Variants in UGT1A6 observed in about 807,000 individuals in gnomAD.
UGT1A6 encodes the protein UDP-glucuronosyltransferase 1A6.
A neutral mutation model predicts 44.4 loss-of-function variants in UGT1A6; 32 were observed. That is an observed-to-expected ratio of 0.72 (90% CI 0.54 to 0.97). The LOEUF is 0.97. UGT1A6 is among the 50% of genes least tolerant of loss of function. UGT1A6 has a pLI of 0.00. For synonymous variants in UGT1A6, 238 were observed against 248.5 expected (o/e 0.96, Z 0.40); for missense variants, 685 against 661.9 (o/e 1.03, Z -0.38).
chr2:233,740,736 C>T (rs1691460143), intron 1 of UGT1A6: 1 of 151,674 alleles, frequency 6.6e-6, no homozygotes, highest in African/African-American at 2.4e-5. Context: ...GGAAATGCCC[C>T]CTTTTACACT....
At position 233,698,306 on chromosome 2, in the gene UGT1A6, A is replaced by G. The variant is rs1425577629; in HGVS notation, c.861+4441A>G. On this transcript the variant is annotated intron_variant, in intron 1 of 4. Coordinates refer to ENST00000305139, the MANE Select transcript of UGT1A6 (RefSeq NM_001072.4). ...TGAAAAAAAATGTGTCTTTGGACAG[A>G]TGGAAATGTCTGGAACCAGATAGAG... 3.3e-5 allele frequency among the ~76,000 whole-genome samples: 5 copies of G among 152,386 alleles called. No homozygotes were observed. In the East Asian group the frequency reaches 9.6e-4, roughly 29 times the overall value.
chr2:233,699,610 G>T (rs2125579992), intron 1 of UGT1A6, among the ~76,000 whole-genome samples: 1 of 152,318 alleles, frequency 6.6e-6, no homozygotes, highest in South Asian at 2.1e-4. Context: ...TCTATAGAAA[G>T]GAATAGAATG....
chr2:233,743,816 T>G (rs1350624065), intron 1 of UGT1A6: 1 of 1,367,308 alleles, frequency 7.3e-7, no homozygotes, highest in South Asian at 1.1e-5. Flanking sequence ...CTCAGGGTTT[T>G]TGTCGGGGTG....
chr2:233,711,220 T>A (rs2885295), intron 1 of UGT1A6, among the ~76,000 whole-genome samples: 15,497 of 152,242 alleles, frequency 0.1, 901 homozygotes, highest in South Asian at 0.2. Context: ...AGTGCTCCCA[T>A]GTCGCTGAAG....
intron 1 of UGT1A6, chr2:233,748,135 T>A (rs1220195478): frequency 6.8e-6 from 11 of 1,609,160 alleles, no homozygotes; most frequent in Admixed American, 3.3e-5. Context: ...TTTTTAAAAA[T>A]TGTATTTACT....
At chr2:233,751,815 C>G (rs186854463) in intron 1 of UGT1A6, among the ~76,000 whole-genome samples, 1 of 152,308 alleles carries the variant, frequency 6.6e-6, no homozygotes, top group East Asian at 1.9e-4. Context: ...TTTCCTGAGG[C>G]CTCCCCAGCC....
intron 1 of UGT1A6, among the ~76,000 whole-genome samples, chr2:233,723,536 T>TTC (rs1553611580): frequency 8.2e-6 from 1 of 121,444 alleles, no homozygotes; most frequent in Non-Finnish European, 1.6e-5. Context: ...TTTTTTTTTT[T>TTC]AATTTATTTT....
At chr2:233,752,601 A>T (rs969086099) in intron 1 of UGT1A6, 2 of 152,086 alleles carry the variant, frequency 1.3e-5, no homozygotes, top group Non-Finnish European at 2.9e-5. Flanking sequence ...GATTTTTTTT[A>T]AAAAAACATT....
chr2:233,744,229 G>C (rs1245532493), intron 1 of UGT1A6, among the ~76,000 whole-genome samples: 2 of 151,826 alleles, frequency 1.3e-5, no homozygotes, highest in Non-Finnish European at 2.9e-5. Flanking sequence ...AAAAGAGAGG[G>C]CCTTGACTTT....
intron 1 of UGT1A6, among the ~76,000 whole-genome samples, chr2:233,740,100 A>G (rs17862874): frequency 0.037 from 5,662 of 151,960 alleles, 157 homozygotes; most frequent in Non-Finnish European, 0.057. Context: ...CATGTGAGAC[A>G]TGCCTTTGCT....
At chr2:233,746,495 C>G (rs536618082) in intron 1 of UGT1A6, among the ~76,000 whole-genome samples, 12 of 151,904 alleles carry the variant, frequency 7.9e-5, no homozygotes, top group Admixed American at 4.6e-4. Context: ...ACATGTCACT[C>G]TTTAGTAGCC....
rs2077420155 is a variant in UGT1A6 at position 233,725,272 on chromosome 2, AGG to A, written c.861+31408_861+31409del. ...GAGGAGGCAGAGGCAGAGGAGGCAG[AGG>A]CAGAGGCAGAGGCAGAGGCAGAGGC... is the stretch of plus-strand genomic sequence containing the variant. On this transcript the variant is annotated intron_variant, in intron 1 of 4. Coordinates refer to ENST00000305139, the MANE Select transcript of UGT1A6 (RefSeq NM_001072.4). Among the ~76,000 whole-genome samples, 2 of 38,426 alleles carry A rather than the reference AGG, an allele frequency of 5.2e-5. 1 individual carries two copies. Among genetic ancestry groups the A allele is most frequent in the Admixed American group, 5.0e-4 (2 of 3,998 alleles). The allele number at this position is 38,426 out of a possible 152,430, so 25.2% of individuals were successfully genotyped here. A position where few individuals can be genotyped will look rare whatever the true frequency, so the allele number is the denominator to read the frequency against.
At chr2:233,706,617 A>G (rs1052498313) in intron 1 of UGT1A6, among the ~76,000 whole-genome samples, 1 of 152,154 alleles carries the variant, frequency 6.6e-6, no homozygotes, top group African/African-American at 2.4e-5. Context: ...AGAAGACTAG[A>G]GAAATGAGTG....
In UGT1A6 at chr2:233,769,317, C is replaced by T. The variant is rs1699835455; in HGVS notation, c.1301+878C>T. On this transcript the variant is annotated intron_variant, in intron 4 of 4. Transcript: ENST00000305139. The surrounding 1 kb of genome is among the most constrained non-coding windows in gnomAD (Gnocchi z 4.4). ...AGTTAGTATATTACTGTCAAGCTCA[C>T]TGGTAATAGGCTTATTAGAACCTTA... is the stretch of plus-strand genomic sequence containing the variant. Among the ~76,000 whole-genome samples, 1 of 152,214 alleles carries T rather than the reference C, an allele frequency of 6.6e-6. No individual in the cohort carries two copies. The highest frequency in any genetic ancestry group is 1.5e-5 in the Non-Finnish European group (1 of 68,028).
intron 1 of UGT1A6, among the ~76,000 whole-genome samples, chr2:233,762,934 A>G (rs2126001089): frequency 6.6e-6 from 1 of 152,358 alleles, no homozygotes; most frequent in Middle Eastern, 3.4e-3. Context: ...CTCTAAAAAC[A>G]GTTGAATAAT....
At chr2:233,743,802 T>C (rs181906347) in intron 1 of UGT1A6, 13 of 1,367,286 alleles carry the variant, frequency 9.5e-6, no homozygotes, top group Non-Finnish European at 1.3e-5. Context: ...GCTTCCTCCT[T>C]GTTCTCAGGG....
chr2:233,745,894 T>A (rs1160883177), intron 1 of UGT1A6, among the ~76,000 whole-genome samples: 2 of 150,898 alleles, frequency 1.3e-5, no homozygotes, highest in Non-Finnish European at 1.5e-5. Context: ...TGGGGTGGCG[T>A]TTTTCAGGGA....
At chr2:233,759,816 G>A (rs540177588) in intron 1 of UGT1A6, among the ~76,000 whole-genome samples, 1 of 152,166 alleles carries the variant, frequency 6.6e-6, no homozygotes, top group Non-Finnish European at 1.5e-5. Flanking sequence ...AGGCAGTACC[G>A]GGGGAGCTGT....
upstream of UGT1A6, chr2:233,692,880 A>G: frequency 6.7e-7 from 1 of 1,501,604 alleles, no homozygotes; most frequent in Non-Finnish European, 8.8e-7. Flanking sequence ...GGTAAAATTC[A>G]GAGCAAGGGA....
Sources: allele counts gnomAD v4.1 joint callset (sites outside exome capture counted in the v4.1 genomes callset), GRCh38; gene constraint gnomAD v4.1.1; non-coding constraint Gnocchi (gnomAD v3.1); transcripts MANE v1.5; gene names NCBI Gene and HGNC (gene_info 2026-07-23, HGNC 2026-07-21).